NAV2: variants seen among roughly 807,000 people sequenced by gnomAD.
The protein encoded by NAV2 is helicase, APC down-regulated 1.
A neutral mutation model predicts 223.2 loss-of-function variants in NAV2; 54 were observed. The observed-to-expected ratio is 0.24, with a 90% CI of 0.19 to 0.30. The LOEUF is 0.30. Among genes scored for constraint, NAV2 ranks in the 10% least tolerant of loss-of-function variants. The pLI, the probability that NAV2 is intolerant of heterozygous loss-of-function variation, is 1.00. For synonymous variants in NAV2, 1,279 were observed against 1,239.3 expected (o/e 1.03, Z -0.67); for missense variants, 2,806 against 3,147.5 (o/e 0.89, Z 2.60).
chr11:20,113,275 T>G (rs1044704693), intron 36 of NAV2, among the ~76,000 whole-genome samples: 1 of 152,186 alleles, frequency 6.6e-6, no homozygotes, highest in Non-Finnish European at 1.5e-5. Flanking sequence ...AAAGCATTTC[T>G]CACGGTACCT....
intron 1 of NAV2, among the ~76,000 whole-genome samples, chr11:19,420,300 A>G (rs1850556132): frequency 6.6e-6 from 1 of 152,216 alleles, no homozygotes; most frequent in Admixed American, 6.5e-5. Context: ...TGGCAAGGAT[A>G]TGGAACAACT....
At chr11:19,486,106 G>A (rs1187423855) in intron 1 of NAV2, among the ~76,000 whole-genome samples, 4 of 152,118 alleles carry the variant, frequency 2.6e-5, no homozygotes, top group African/African-American at 9.7e-5. Flanking sequence ...CAGTAGCCCT[G>A]AAAACAGGTG....
chr11:19,418,586 G>C (rs935559357), intron 1 of NAV2, among the ~76,000 whole-genome samples: 1 of 152,202 alleles, frequency 6.6e-6, no homozygotes, highest in Non-Finnish European at 1.5e-5. Flanking sequence ...TATGATGGTA[G>C]GAGAGCGTAG....
chr11:19,498,056 T>G (rs551401995), intron 1 of NAV2, among the ~76,000 whole-genome samples: 94 of 152,316 alleles, frequency 6.2e-4, no homozygotes, highest in African/African-American at 2.2e-3. Context: ...CACGAGGACA[T>G]GCACTTAGGA....
intron 1 of NAV2, among the ~76,000 whole-genome samples, chr11:19,775,388 G>A (rs1387689883): frequency 2.0e-5 from 3 of 152,176 alleles, no homozygotes; most frequent in Admixed American, 2.0e-4. Flanking sequence ...GAGGCAGGAT[G>A]TGGGATCTGC....
intron 1 of NAV2, among the ~76,000 whole-genome samples, chr11:19,692,180 A>G (rs2049193624): frequency 6.6e-6 from 1 of 152,202 alleles, no homozygotes; most frequent in Admixed American, 6.5e-5. Flanking sequence ...TGGGAGAAAG[A>G]CCCACACTGG....
chr11:19,841,325 T>A (rs72897907), intron 2 of NAV2, among the ~76,000 whole-genome samples: 17,168 of 152,222 alleles, frequency 0.11, 1,134 homozygotes, highest in Admixed American at 0.17. Flanking sequence ...AGAGAAAAAA[T>A]GAATTCAATT....
intron 6 of NAV2, among the ~76,000 whole-genome samples, chr11:19,920,006 G>T (rs374806588): frequency 1.3e-4 from 20 of 152,190 alleles, no homozygotes; most frequent in African/African-American, 4.8e-4. Context: ...ATGGTAGCAT[G>T]TACCTGTGGT....
At chr11:19,818,151 C>A (rs983447395) in intron 1 of NAV2, among the ~76,000 whole-genome samples, 1 of 151,084 alleles carries the variant, frequency 6.6e-6, no homozygotes, top group African/African-American at 2.4e-5. Flanking sequence ...AAGAGATTTC[C>A]AGTTTGGGGG....
At chr11:19,489,402 A>G (rs897051318) in intron 1 of NAV2, among the ~76,000 whole-genome samples, 1 of 152,216 alleles carries the variant, frequency 6.6e-6, no homozygotes, top group Admixed American at 6.5e-5. Context: ...AACACTGTGT[A>G]CTATGATGTG....
At chr11:19,542,965 T>C (rs2044381178) in intron 1 of NAV2, among the ~76,000 whole-genome samples, 1 of 152,196 alleles carries the variant, frequency 6.6e-6, no homozygotes, top group Non-Finnish European at 1.5e-5. Context: ...CCGTTTCCCT[T>C]TAATAAGGTT....
intron 37 of NAV2, 149 bp downstream of exon 37, chr11:20,114,944 T>C (rs2062934441): frequency 1.3e-6 from 1 of 774,996 alleles, no homozygotes; most frequent in African/African-American, 1.8e-5. Flanking sequence ...TTTTTGCCAA[T>C]ATTTTCTTCC....
At chr11:19,787,723 A>C (rs1231609925) in intron 1 of NAV2, among the ~76,000 whole-genome samples, 1 of 152,160 alleles carries the variant, frequency 6.6e-6, no homozygotes, top group Non-Finnish European at 1.5e-5. Context: ...AGACCCAGGA[A>C]GGATGGTTGT....
At position 19,441,785 on chromosome 11, in the gene NAV2, G is replaced by A. The variant is rs181571367; in HGVS notation, c.75+90758G>A. ...CCCTTGGCTTCAGCAGGGAGCCAGG[G>A]GCTGGGGGTGCTAAGTTGGGCAGGA... On this transcript the variant is annotated intron_variant, in intron 1 of 37. Transcript: ENST00000360655. 4.4e-3 allele frequency among the ~76,000 whole-genome samples: 668 copies of A among 152,322 alleles called. 2 individuals carry two copies. Among genetic ancestry groups the A allele is most frequent in the Middle Eastern group, 0.014 (4 of 294 alleles).
At chr11:19,528,523 G>A (rs1039321511) in intron 1 of NAV2, among the ~76,000 whole-genome samples, 1 of 152,194 alleles carries the variant, frequency 6.6e-6, no homozygotes, top group African/African-American at 2.4e-5. Context: ...GACTCCGGCA[G>A]GTGGGCAGAG....
At position 19,946,499 on chromosome 11, in the gene NAV2, G is replaced by A. The variant is rs765549616; in HGVS notation, c.2245G>A (p.Val749Ile). ...ETMSSLRGTQVTHSTLETTFD... is the reference protein window; with the variant it reads ...ETMSSLRGTQITHSTLETTFD... ...CATGTCCAGTTTAAGGGGAACTCAG[G>A]TTACACACAGGTATCTGCAGTGTGA... is the stretch of plus-strand genomic sequence containing the variant. Residue 749 changes from valine (V) to isoleucine (I), a missense_variant, in exon 9 of 38, where the codon GTT (valine) becomes ATT (isoleucine). This residue lies in a region of NAV2 where 1,167 missense variants were observed against 1,180.5 expected (regional missense o/e 0.99). Coordinates refer to ENST00000349880, the MANE Select transcript of NAV2 (RefSeq NM_145117.5). 2.5e-6 allele frequency: 4 copies of A among 1,612,944 alleles called. No homozygotes were observed. In the South Asian group the frequency reaches 4.4e-5, roughly 18 times the overall value.
In NAV2 at chr11:20,105,375, A is replaced by C. The variant is rs1266479871; in HGVS notation, c.6645-156A>C. 10 of 583,154 alleles carry C rather than the reference A, an allele frequency of 1.7e-5. No individual in the cohort carries two copies. In the South Asian group the frequency reaches 2.2e-4, roughly 13 times the overall value. 36.1% of individuals were successfully genotyped at this position (583,154 alleles called of 1,614,324 possible). ...GGTATCAGGAACTGTGAGTTAATACATAGTTACAATGTTTAGAAGAGTGTT... is the reference window on the plus strand; with the variant it reads ...GGTATCAGGAACTGTGAGTTAATACCTAGTTACAATGTTTAGAAGAGTGTT... On this transcript the variant is annotated intron_variant, in intron 34 of 37. Coordinates refer to ENST00000349880, the MANE Select transcript of NAV2 (RefSeq NM_145117.5).
chr11:19,539,664 C>A (rs1039722571), intron 1 of NAV2, among the ~76,000 whole-genome samples: 3 of 152,096 alleles, frequency 2.0e-5, no homozygotes, highest in African/African-American at 7.2e-5. Context: ...GCCACTGAGA[C>A]AACACAGCCA....
intron 1 of NAV2, among the ~76,000 whole-genome samples, chr11:19,473,230 A>T (rs1417394441): frequency 6.6e-6 from 1 of 151,986 alleles, no homozygotes; most frequent in Non-Finnish European, 1.5e-5. Flanking sequence ...TCTTTCTATG[A>T]GTCTGATCAA....
Sources: gnomAD v4.1 joint callset for allele counts (sites outside exome capture counted in the v4.1 genomes callset) on GRCh38, gnomAD v4.1.1 for gene constraint, gnomAD v4.1.1 regional missense constraint, MANE v1.5 for transcripts, NCBI Gene and HGNC (gene_info 2026-07-23, HGNC 2026-07-21) for gene names.